The following OSMR variants were observed in gnomAD, a reference collection of about 807,000 sequenced individuals.
The protein encoded by OSMR is oncostatin-M-specific receptor subunit beta.
In OSMR, 81 loss-of-function variants were observed where a neutral mutation model predicts 99.9. That is an observed-to-expected ratio of 0.81 (90% CI 0.68 to 0.97). The LOEUF is 0.97. OSMR is among the 50% of genes least tolerant of loss of function. OSMR has a pLI of 0.00. For missense variants in OSMR, 1,099 were observed against 1,153.4 expected, an observed-to-expected ratio of 0.95 and a Z score of 0.68; for synonymous variants, 406 against 410.4, an observed-to-expected ratio of 0.99 and a Z score of 0.13.
chr5:38,929,103 A>T (rs560068411), intron 15 of OSMR, among the ~76,000 whole-genome samples: 2 of 152,326 alleles, frequency 1.3e-5, no homozygotes, highest in East Asian at 3.9e-4. Context: ...CTATTATGTG[A>T]CTAGCATCCA....
In OSMR at chr5:38,880,353, G is replaced by A. The variant is rs372879514; in HGVS notation, c.247-1240G>A. 2.6e-5 allele frequency among the ~76,000 whole-genome samples: 4 copies of A among 152,304 alleles called. No individual in the cohort carries two copies. The South Asian group carries it at 8.3e-4, about 32-fold the overall frequency. ...CCCCAGTAAGTGTCATGTGTGTGTT[G>A]TCTCCACCTTGCAGCTGTGGGGCAG... On this transcript the variant is annotated intron_variant, in intron 3 of 17. Transcript: ENST00000274276.
intron 11 of OSMR, chr5:38,919,289 A>G: frequency 5.3e-6 from 8 of 1,495,712 alleles, no homozygotes; most frequent in Non-Finnish European, 7.1e-6. Context: ...ATTTCTGTCC[A>G]GGGGATTCTT....
intron 1 of OSMR, chr5:38,941,203 T>A: frequency 4.3e-6 from 1 of 232,956 alleles, no homozygotes; most frequent in Non-Finnish European, 8.5e-6. Flanking sequence ...TAAACCCACC[T>A]ACCACTGCAT....
At chr5:38,937,716 TAA>T (rs552560212), downstream of OSMR, among the ~76,000 whole-genome samples, 6 of 152,326 alleles carry the variant, frequency 3.9e-5, no homozygotes, top group South Asian at 1.2e-3. This position sits in a 1 kb window ranked among gnomAD's most constrained non-coding sequence, Gnocchi z 4.0. Flanking sequence ...TTTAGATATT[TAA>T]AAAACTACAA....
chr5:38,872,837 G>A (rs932044601), intron 2 of OSMR, among the ~76,000 whole-genome samples: 8 of 151,920 alleles, frequency 5.3e-5, no homozygotes, highest in Admixed American at 2.0e-4. Context: ...TTTAAAAAGC[G>A]CATGGGAAAA....
chr5:38,869,845 T>C (rs532559964), intron 2 of OSMR, among the ~76,000 whole-genome samples: 1 of 152,308 alleles, frequency 6.6e-6, no homozygotes, highest in East Asian at 1.9e-4. Flanking sequence ...ATCTGTATTT[T>C]ACAAAGCTTT....
chr5:38,905,064 T>G (rs1034494596), intron 9 of OSMR, among the ~76,000 whole-genome samples: 2 of 152,194 alleles, frequency 1.3e-5, no homozygotes, highest in African/African-American at 4.8e-5. Flanking sequence ...GGAGATTTGA[T>G]GGCCCAATCC....
At chr5:38,906,129 T>A (rs966576471) in intron 9 of OSMR, among the ~76,000 whole-genome samples, 1 of 151,880 alleles carries the variant, frequency 6.6e-6, no homozygotes, top group Non-Finnish European at 1.5e-5. Context: ...TTCCTCAGTG[T>A]GTTTTAGAAA....
intron 6 of OSMR, 84 bp from the exon 7 acceptor site, chr5:38,885,955 A>G (rs1322410212): frequency 1.3e-6 from 2 of 1,564,996 alleles, no homozygotes; most frequent in East Asian, 2.3e-5. Flanking sequence ...GTCACTGAGT[A>G]TGCCCTGAGG....
At position 38,925,454 on chromosome 5, in the gene OSMR, C is replaced by T. The variant is rs1343186223; in HGVS notation, c.2212+83C>T. ...ACAGAAGTGTTGACTTAGGCTTTGT[C>T]TAGATCAGGAATTTTCAAACCTTTC... On this transcript the variant is annotated intron_variant, in intron 15 of 17. Transcript: ENST00000274276. The T allele has an allele frequency of 3.2e-6, 4 of 1,252,322 alleles. No homozygotes were observed. In the African/African-American group the frequency reaches 5.9e-5, roughly 18 times the overall value. 77.6% of individuals were successfully genotyped at this position (1,252,322 alleles called of 1,614,324 possible). A position where few individuals can be genotyped will look rare whatever the true frequency, so the allele number is the denominator to read the frequency against.
intron 2 of OSMR, 34 bp downstream of exon 2, chr5:38,869,151 C>T: frequency 6.9e-7 from 1 of 1,452,532 alleles, no homozygotes; most frequent in Non-Finnish European, 9.7e-7. Flanking sequence ...AGACAAAAAT[C>T]ACGTCGGGAA....
chr5:38,932,001 T>A, intron 16 of OSMR, 37 bp downstream of exon 16: 3 of 1,458,290 alleles, frequency 2.1e-6, no homozygotes, highest in Middle Eastern at 1.7e-4. Context: ...AAGAAGAGAG[T>A]AAGAGAAAAG....
At chr5:38,906,750 CA>C (rs1018984603) in intron 9 of OSMR, among the ~76,000 whole-genome samples, 2 of 151,850 alleles carry the variant, frequency 1.3e-5, no homozygotes, top group African/African-American at 4.8e-5. Context: ...AATTATTAGG[CA>C]AAAAAGATTA....
chr5:38,876,712 G>A (rs372941780), intron 3 of OSMR, among the ~76,000 whole-genome samples: 5 of 152,050 alleles, frequency 3.3e-5, no homozygotes, highest in South Asian at 2.1e-4. Context: ...TTTCTTCTCC[G>A]TCCTCCAGAG....
intron 2 of OSMR, among the ~76,000 whole-genome samples, chr5:38,873,046 A>G (rs1004272683): frequency 4.6e-5 from 7 of 152,178 alleles, no homozygotes; most frequent in Admixed American, 1.3e-4. Context: ...CAGTTCCAAA[A>G]CATTTTCATT....
intron 9 of OSMR, among the ~76,000 whole-genome samples, chr5:38,910,008 GC>G (rs1745474528): frequency 6.6e-6 from 1 of 152,098 alleles, no homozygotes; most frequent in Non-Finnish European, 1.5e-5. Context: ...ACACCCACAG[GC>G]TCAAAGTAAA....
chr5:38,942,339 T>C (rs1235000900), intron 1 of OSMR: 7 of 1,599,052 alleles, frequency 4.4e-6, no homozygotes, highest in Non-Finnish European at 6.0e-6. Flanking sequence ...ATAGGTTGCT[T>C]TGGTGGTGTT....
intron 7 of OSMR, among the ~76,000 whole-genome samples, chr5:38,887,381 AT>A: frequency 6.6e-6 from 1 of 152,232 alleles, no homozygotes; most frequent in East Asian, 1.9e-4. Context: ...TCTGGGATTG[AT>A]TTTTTTATAT....
At chr5:38,862,813 G>A (rs1185720466) in intron 1 of OSMR, among the ~76,000 whole-genome samples, 16 of 151,872 alleles carry the variant, frequency 1.1e-4, no homozygotes, top group Admixed American at 4.6e-4. Context: ...CAAGGCAGGC[G>A]GCTGGGAGGT....
Sources: gnomAD v4.1 joint callset for allele counts (sites outside exome capture counted in the v4.1 genomes callset) on GRCh38, gnomAD v4.1.1 for gene constraint, Gnocchi (gnomAD v3.1) non-coding constraint, MANE v1.5 for transcripts, NCBI Gene and HGNC (gene_info 2026-07-23, HGNC 2026-07-21) for gene names.